The following VPS4A variants were observed in gnomAD, a reference collection of about 807,000 sequenced individuals.
The protein encoded by VPS4A is vacuolar protein sorting-associated protein 4A.
Under a neutral mutation model 52.3 loss-of-function variants are expected in VPS4A, and 20 were observed. That is an observed-to-expected ratio of 0.38 (90% CI 0.27 to 0.56). The LOEUF (loss-of-function observed/expected upper bound fraction) is 0.56. Among genes scored for constraint, VPS4A ranks in the 20% least tolerant of loss-of-function variants. VPS4A has a pLI of 0.72. For synonymous variants in VPS4A, 293 were observed against 227.7 expected, an observed-to-expected ratio of 1.29 and a Z score of -2.58; for missense variants, 419 against 575.9, an observed-to-expected ratio of 0.73 and a Z score of 2.79.
Position 69,324,405 on chromosome 16 carries a change from G to C in VPS4A, c.*96G>C. 1 of 1,317,400 alleles carries C rather than the reference G, an allele frequency of 7.6e-7. No individual in the cohort carries two copies. The allele number at this position is 1,317,400 out of a possible 1,614,324, so 81.6% of individuals were successfully genotyped here. A position where few individuals can be genotyped will look rare whatever the true frequency, so the allele number is the denominator to read the frequency against. On this transcript the variant is annotated 3_prime_UTR_variant, in exon 11 of 11. Transcript: ENST00000254950. ...ACAGCCAGACAGGGCTCCAGGGCTT[G>C]TCCCAGTCAATACAGAGTTCCCTCT...
At chr16:69,323,750 G>A (rs541037082) in intron 10 of VPS4A, 4 of 440,056 alleles carry the variant, frequency 9.1e-6, no homozygotes, top group Non-Finnish European at 1.8e-5. Context: ...AGGAGTTCAA[G>A]AGCAGCCTGG....
At chr16:69,319,041 G>C (rs898567518) in intron 5 of VPS4A, 99 bp downstream of exon 5, 1 of 1,520,262 alleles carries the variant, frequency 6.6e-7, no homozygotes, top group Non-Finnish European at 8.8e-7. Flanking sequence ...CTCAGCCCCC[G>C]GGGCCTGCAG....
chr16:69,315,709 C>T (rs1965427805), intron 1 of VPS4A, among the ~76,000 whole-genome samples: 1 of 152,192 alleles, frequency 6.6e-6, no homozygotes, highest in Non-Finnish European at 1.5e-5. Flanking sequence ...AATAGAAAGT[C>T]CCATGAACTT....
intron 5 of VPS4A, 144 bp downstream of exon 5, chr16:69,319,086 C>T: frequency 7.9e-7 from 1 of 1,273,078 alleles, no homozygotes; most frequent in Non-Finnish European, 1.1e-6. Context: ...GTGTCCACAA[C>T]ACTGCTGTGG....
rs62057888 is a variant in VPS4A, at chr16:69,320,884, T to C, written c.851+115T>C. On this transcript the variant is annotated intron_variant, in intron 8 of 10. Coordinates refer to ENST00000254950, the MANE Select transcript of VPS4A (RefSeq NM_013245.3). This position sits in a 1 kb window ranked among gnomAD's most constrained non-coding sequence, Gnocchi z 4.2. Reference sequence around the variant, plus strand: ...GCCCCTTTTCCCTGGAGTCTTCCCGTCTGCCTGCCAAGCAGAGCCCTTTGT... The same window carrying C: ...GCCCCTTTTCCCTGGAGTCTTCCCGCCTGCCTGCCAAGCAGAGCCCTTTGT... The C allele has an allele frequency of 8.6e-5, 110 of 1,271,802 alleles. No individual in the cohort carries two copies. Among genetic ancestry groups the C allele is most frequent in the Non-Finnish European group, 1.2e-4 (107 of 907,638 alleles). The allele number at this position is 1,271,802 out of a possible 1,614,324, so 78.8% of individuals were successfully genotyped here.
rs1171791390 is a variant in VPS4A, at chr16:69,320,414, C to T, written c.769+125C>T. ...GGAGAGGCACTCCCCAGCTCCAGCCCCTCAGGGCACGGGTGGACTTCAATT... is the reference window on the plus strand; with the variant it reads ...GGAGAGGCACTCCCCAGCTCCAGCCTCTCAGGGCACGGGTGGACTTCAATT... On this transcript the variant is annotated intron_variant, in intron 7 of 10. Transcript: ENST00000254950. The surrounding 1 kb of genome is among the most constrained non-coding windows in gnomAD (Gnocchi z 4.2). The T allele has an allele frequency of 2.9e-6, 4 of 1,388,444 alleles. No individual in the cohort carries two copies. In the East Asian group the frequency reaches 9.6e-5, roughly 33 times the overall value. 86.0% of individuals were successfully genotyped at this position (1,388,444 alleles called of 1,614,324 possible).
At chr16:69,319,815 T>C (rs1273736745) in intron 6 of VPS4A, among the ~76,000 whole-genome samples, 1 of 152,176 alleles carries the variant, frequency 6.6e-6, no homozygotes, top group African/African-American at 2.4e-5. Flanking sequence ...GTTGGGGCAG[T>C]GTGTGGGGGA....
Position 69,311,371 on chromosome 16 carries a change from T to TGCGA in VPS4A, c.-137_-134dup. 1 of 955,646 alleles carries TGCGA rather than the reference T, an allele frequency of 1.0e-6. No individual in the cohort carries two copies. Among genetic ancestry groups the TGCGA allele is most frequent in the Non-Finnish European group, 1.4e-6 (1 of 735,762 alleles). The allele number at this position is 955,646 out of a possible 1,614,324, so 59.2% of individuals were successfully genotyped here. A position where few individuals can be genotyped will look rare whatever the true frequency, so the allele number is the denominator to read the frequency against. ...GCTTGCCCTCGGACTCGGCTCCCGC[T>TGCGA]GCGAGCGGCCGCCCTGCCCGCGCAC... On this transcript the variant is annotated 5_prime_UTR_variant, in exon 1 of 11. Coordinates refer to ENST00000254950, the MANE Select transcript of VPS4A (RefSeq NM_013245.3).
At position 69,316,088 on chromosome 16, in the gene VPS4A, T is replaced by C. The variant is rs1330388817; in HGVS notation, c.102T>C (p.His34=). The change falls in exon 2 of 11, where the codon CAT becomes CAC. Residue 34 remains histidine (H), a synonymous_variant. Transcript: ENST00000254950. ...NYEEALRLYQ[H]AVEYFLHAIK... ...AGGAGGCGCTGCGGCTGTACCAGCA[T>C]GCGGTGGAGTACTTCCTCCACGCTA... The C allele has an allele frequency of 6.2e-7, 1 of 1,613,474 alleles. No individual in the cohort carries two copies. Among genetic ancestry groups the C allele is most frequent in the East Asian group, 2.2e-5 (1 of 44,880 alleles).
At position 69,311,414 on chromosome 16, in the gene VPS4A, G is replaced by T; in HGVS notation, c.-98G>T. The T allele has an allele frequency of 1.7e-6, 2 of 1,204,520 alleles. No homozygotes were observed. The highest frequency in any genetic ancestry group is 2.1e-6 in the Non-Finnish European group (2 of 956,522). The allele number at this position is 1,204,520 out of a possible 1,614,324, so 74.6% of individuals were successfully genotyped here. ...CCGCGCACCGCGCTCAGCGCCCACC[G>T]CCGGGCTTCCCGCGCCGGACCCAGT... On this transcript the variant is annotated 5_prime_UTR_variant, in exon 1 of 11. Transcript: ENST00000254950.
At chr16:69,322,038 G>C (rs1033684965) in intron 9 of VPS4A, 45 of 157,662 alleles carry the variant, frequency 2.9e-4, no homozygotes, top group Non-Finnish European at 1.8e-4. Context: ...ACATGGCTAG[G>C]GAGGCCTCAG....
rs577796591 is a variant in VPS4A at position 69,319,601 on chromosome 16, C to T, written c.620+58C>T. 60 of 1,562,926 alleles carry T rather than the reference C, an allele frequency of 3.8e-5. No individual in the cohort carries two copies. In the African/African-American group the frequency reaches 4.5e-4, roughly 12 times the overall value. On this transcript the variant is annotated intron_variant, in intron 6 of 10. Coordinates refer to ENST00000254950, the MANE Select transcript of VPS4A (RefSeq NM_013245.3). ...AGCCCCGGCACTGCTAGTGACCCAG[C>T]GGCCCACCCTGTGGAGTCACCTCTC...
At chr16:69,313,985 CTTTT>C (rs71383985) in intron 1 of VPS4A, among the ~76,000 whole-genome samples, 5 of 118,662 alleles carry the variant, frequency 4.2e-5, no homozygotes, top group African/African-American at 1.3e-4. Context: ...CCAGTGCACT[CTTTT>C]TTTTTTTTTT....
In VPS4A at chr16:69,324,944, GCCTTTTCTT is replaced by G. The variant is rs1965568275; in HGVS notation, c.*639_*647del. On this transcript the variant is annotated 3_prime_UTR_variant, in exon 11 of 11. Coordinates refer to ENST00000254950, the MANE Select transcript of VPS4A (RefSeq NM_013245.3). ...GGCAGTCAGGCGGGTGTTCACCACT[GCCTTTTCTT>G]CCTCTGAGCGTGAGAACACTGAACC... 6.5e-6 allele frequency: 1 copy of G among 153,180 alleles called. No homozygotes were observed. The highest frequency in any genetic ancestry group is 6.5e-5 in the Admixed American group (1 of 15,488). 9.5% of individuals were successfully genotyped at this position (153,180 alleles called of 1,614,324 possible). A position where few individuals can be genotyped will look rare whatever the true frequency, so the allele number is the denominator to read the frequency against.
chr16:69,326,570 CTAGT>C lies in VPS4A; in HGVS notation c.*2265_*2268del, dbSNP rs1459410980. 6.6e-6 allele frequency: 1 copy of C among 152,246 alleles called. No individual in the cohort carries two copies. The highest frequency in any genetic ancestry group is 1.9e-4 in the East Asian group (1 of 5,200). The allele number at this position is 152,246 out of a possible 1,614,324, so 9.4% of individuals were successfully genotyped here. A position where few individuals can be genotyped will look rare whatever the true frequency, so the allele number is the denominator to read the frequency against. On this transcript the variant is annotated 3_prime_UTR_variant, in exon 11 of 11. Coordinates refer to ENST00000254950, the MANE Select transcript of VPS4A (RefSeq NM_013245.3). ...CATGGCTATGGTCCATCCCTGTGCT[CTAGT>C]TAGAGCGTGAAGACACCTGACTTTC...
rs1965581870 is a variant in VPS4A at position 69,325,624 on chromosome 16, T to C, written c.*1315T>C. On this transcript the variant is annotated 3_prime_UTR_variant, in exon 11 of 11. Coordinates refer to ENST00000254950, the MANE Select transcript of VPS4A (RefSeq NM_013245.3). ...GGTGGGCGCCTGCAGTCCCAGCTACTTGGGAGGCTGAGGCAGGAGAATGGC... is the reference window on the plus strand; with the variant it reads ...GGTGGGCGCCTGCAGTCCCAGCTACCTGGGAGGCTGAGGCAGGAGAATGGC... The C allele has an allele frequency of 6.6e-6, 1 of 151,798 alleles. No homozygotes were observed. The highest frequency in any genetic ancestry group is 2.4e-5 in the African/African-American group (1 of 41,220). The allele number at this position is 151,798 out of a possible 1,614,324, so 9.4% of individuals were successfully genotyped here. A position where few individuals can be genotyped will look rare whatever the true frequency, so the allele number is the denominator to read the frequency against.
chr16:69,319,961 G>C (rs556969023), intron 6 of VPS4A, among the ~76,000 whole-genome samples, 180 bp from the exon 7 acceptor site: 4 of 152,328 alleles, frequency 2.6e-5, no homozygotes, highest in African/African-American at 7.2e-5. Flanking sequence ...TGACACCAAG[G>C]TGTGCTCCTC....
intron 1 of VPS4A, among the ~76,000 whole-genome samples, chr16:69,315,188 G>C (rs190985025): frequency 3.0e-4 from 45 of 152,278 alleles, no homozygotes; most frequent in Admixed American, 1.9e-3. Flanking sequence ...GATAGAGTAA[G>C]ACTCTGTCTC....
intron 3 of VPS4A, 131 bp from the exon 4 acceptor site, chr16:69,318,519 A>G (rs1429443756): frequency 7.2e-6 from 7 of 968,496 alleles, no homozygotes; most frequent in African/African-American, 1.6e-5. Context: ...TGCTTGAGTC[A>G]CACGGCACTG....
Sources: gnomAD v4.1 joint callset for allele counts (sites outside exome capture counted in the v4.1 genomes callset) on GRCh38, gnomAD v4.1.1 for gene constraint, Gnocchi (gnomAD v3.1) non-coding constraint, MANE v1.5 for transcripts, NCBI Gene and HGNC (gene_info 2026-07-23, HGNC 2026-07-21) for gene names.